Variants in MAGI2 observed in about 807,000 individuals in gnomAD.
MAGI2 encodes the protein membrane-associated guanylate kinase, WW and PDZ domain-containing protein 2.
In MAGI2, 35 loss-of-function variants were observed where a neutral mutation model predicts 133.3. The observed-to-expected ratio is 0.26, with a 90% CI of 0.20 to 0.35. MAGI2 has a LOEUF of 0.35. Ranked by LOEUF, MAGI2 falls within the 10% of genes least tolerant of loss-of-function variation. The probability of loss-of-function intolerance (pLI) is 1.00; values close to 1 mark genes in which losing one functional copy is unlikely to be tolerated. For synonymous variants in MAGI2, 729 were observed against 710.6 expected (o/e 1.03, Z -0.41); for missense variants, 1,636 against 1,863.4 (o/e 0.88, Z 2.25).
chr7:79,140,783 G>C (rs868044763), intron 1 of MAGI2, among the ~76,000 whole-genome samples: 40 of 151,984 alleles, frequency 2.6e-4, no homozygotes, highest in African/African-American at 8.7e-4. Context: ...CACTATCCTA[G>C]TGCCTAAAGT....
At chr7:79,259,604 A>T (rs1051857997) in intron 1 of MAGI2, among the ~76,000 whole-genome samples, 2 of 152,216 alleles carry the variant, frequency 1.3e-5, no homozygotes, top group African/African-American at 4.8e-5. Context: ...GGTGATATTT[A>T]GTACCAAATA....
intron 21 of MAGI2, among the ~76,000 whole-genome samples, chr7:78,060,742 G>A (rs1563068192): frequency 6.6e-6 from 1 of 152,344 alleles, no homozygotes; most frequent in East Asian, 1.9e-4. Flanking sequence ...AACCCTGAAG[G>A]TGGGGATGCA....
At chr7:78,708,293 G>T (rs1025397869) in intron 2 of MAGI2, among the ~76,000 whole-genome samples, 2 of 152,116 alleles carry the variant, frequency 1.3e-5, no homozygotes, top group African/African-American at 4.8e-5. Context: ...TCAATGAAAA[G>T]AAATTATGAC....
intron 2 of MAGI2, among the ~76,000 whole-genome samples, chr7:78,898,492 T>A (rs1200808876): frequency 6.6e-6 from 1 of 152,208 alleles, no homozygotes; most frequent in African/African-American, 2.4e-5. Context: ...GATGAGATCA[T>A]GTCCTTTGCA....
At chr7:78,640,978 T>C (rs1375097113) in intron 2 of MAGI2, among the ~76,000 whole-genome samples, 1 of 152,162 alleles carries the variant, frequency 6.6e-6, no homozygotes, top group African/African-American at 2.4e-5. Flanking sequence ...ACAAGGGCAG[T>C]TTCCCCCATC....
chr7:78,410,090 G>T (rs1200398264), intron 6 of MAGI2, among the ~76,000 whole-genome samples: 1 of 151,950 alleles, frequency 6.6e-6, no homozygotes, highest in Admixed American at 6.6e-5. Context: ...AAAGCTAAAA[G>T]AATAGTAAGG....
intron 1 of MAGI2, among the ~76,000 whole-genome samples, chr7:79,146,452 C>T (rs1822635052): frequency 6.6e-6 from 1 of 152,162 alleles, no homozygotes; most frequent in Non-Finnish European, 1.5e-5. Flanking sequence ...CAATCTTTGA[C>T]AGATATGACT....
At chr7:78,822,118 T>A (rs543389420) in intron 2 of MAGI2, among the ~76,000 whole-genome samples, 1 of 152,196 alleles carries the variant, frequency 6.6e-6, no homozygotes, top group South Asian at 2.1e-4. Flanking sequence ...CCTGACTGTA[T>A]AACAAAAGAT....
At chr7:78,077,458 A>G (rs1324408809) in intron 21 of MAGI2, among the ~76,000 whole-genome samples, 1 of 151,444 alleles carries the variant, frequency 6.6e-6, no homozygotes, top group Non-Finnish European at 1.5e-5. Context: ...TAAGGGTAGG[A>G]ATCTGGAATG....
chr7:78,967,226 G>A (rs1584526977), intron 2 of MAGI2, among the ~76,000 whole-genome samples: 1 of 152,082 alleles, frequency 6.6e-6, no homozygotes, highest in Admixed American at 6.6e-5. Flanking sequence ...ACGGGTGTGA[G>A]TCATAGCATC....
intron 20 of MAGI2, among the ~76,000 whole-genome samples, chr7:78,100,184 GCTC>G (rs1818082008): frequency 6.6e-6 from 1 of 152,132 alleles, no homozygotes; most frequent in Non-Finnish European, 1.5e-5. Flanking sequence ...TCCCACTGGT[GCTC>G]CTCTCAGAGT....
intron 1 of MAGI2, among the ~76,000 whole-genome samples, chr7:79,358,224 A>G (rs970832270): frequency 7.2e-5 from 11 of 152,130 alleles, no homozygotes; most frequent in African/African-American, 2.7e-4. Context: ...CACACAGGTG[A>G]GAAAAAACAA....
intron 19 of MAGI2, 39 bp from the exon 20 acceptor site, chr7:78,125,876 A>G (rs1285827367): frequency 1.3e-6 from 2 of 1,598,862 alleles, no homozygotes; most frequent in East Asian, 2.2e-5. Context: ...ATAATTATTT[A>G]GTTATCAGAG....
At chr7:79,025,823 C>A (rs1809830014) in intron 1 of MAGI2, among the ~76,000 whole-genome samples, 1 of 152,126 alleles carries the variant, frequency 6.6e-6, no homozygotes, top group African/African-American at 2.4e-5. Flanking sequence ...GCAGAAAGAC[C>A]TACAAGTATT....
At chr7:78,977,463 GAA>G (rs1804369414) in intron 2 of MAGI2, among the ~76,000 whole-genome samples, 2 of 96 alleles carry the variant, frequency 0.021, no homozygotes, top group African/African-American at 0.083. Flanking sequence ...AATTTACAAA[GAA>G]AGAAAGAAAG....
At position 78,192,044 on chromosome 7, in the gene MAGI2, G is replaced by A. The variant is rs192969313; in HGVS notation, c.2269+2830C>T. On this transcript the variant is annotated intron_variant, in intron 12 of 21. Coordinates refer to ENST00000354212, the MANE Select transcript of MAGI2 (RefSeq NM_012301.4). ...AGCTCAGGCTTGTGGGTGGAGGGGCGTCTTTTTATTTGGCAACTGCAACCC... is the reference window on the plus strand; with the variant it reads ...AGCTCAGGCTTGTGGGTGGAGGGGCATCTTTTTATTTGGCAACTGCAACCC... 1.8e-4 allele frequency among the ~76,000 whole-genome samples: 27 copies of A among 152,254 alleles called. No homozygotes were observed. In the East Asian group the frequency reaches 4.2e-3, roughly 24 times the overall value.
rs543956490 is a variant in MAGI2 at position 78,592,000 on chromosome 7, A to C, written c.538+35120T>G. Among the ~76,000 whole-genome samples the C allele has an allele frequency of 1.6e-4, 24 of 152,326 alleles. 1 individual carries two copies. In the South Asian group the frequency reaches 4.6e-3, roughly 29 times the overall value. Reference sequence around the variant, plus strand: ...AAAGAGTTGTGTGATAAGAACAAGGAAATTCCTTATATTGAGGAGTGAAGT... The same window carrying C: ...AAAGAGTTGTGTGATAAGAACAAGGCAATTCCTTATATTGAGGAGTGAAGT... On this transcript the variant is annotated intron_variant, in intron 3 of 21. Transcript: ENST00000354212.
At chr7:78,758,557 A>C (rs921724049) in intron 2 of MAGI2, among the ~76,000 whole-genome samples, 1 of 152,202 alleles carries the variant, frequency 6.6e-6, no homozygotes, top group South Asian at 2.1e-4. Flanking sequence ...AGTTCTTTCC[A>C]TATTGTGAAC....
intron 2 of MAGI2, among the ~76,000 whole-genome samples, chr7:78,895,032 G>A (rs1797090742): frequency 6.6e-6 from 1 of 152,136 alleles, no homozygotes; most frequent in South Asian, 2.1e-4. Flanking sequence ...GCCTTTAAGA[G>A]GTGATAAGAG....
Sources: allele counts gnomAD v4.1 joint callset (sites outside exome capture counted in the v4.1 genomes callset), GRCh38; gene constraint gnomAD v4.1.1; transcripts MANE v1.5; gene names NCBI Gene and HGNC (gene_info 2026-07-23, HGNC 2026-07-21).